The following SLC24A4 variants were observed in gnomAD, a reference collection of about 807,000 sequenced individuals.
SLC24A4 encodes the protein solute carrier family 24 member 4.
In SLC24A4, 53 loss-of-function variants were observed where a neutral mutation model predicts 79.0. That is an observed-to-expected ratio of 0.67 (90% confidence interval 0.54 to 0.84). The LOEUF (loss-of-function observed/expected upper bound fraction) is 0.84, where lower values mean the gene tolerates loss of function less well. SLC24A4 is among the 40% of genes least tolerant of loss of function. SLC24A4 has a pLI of 0.00. For missense variants in SLC24A4, 731 were observed against 822.0 expected (o/e 0.89, Z 1.35); for synonymous variants, 323 against 323.8 (o/e 1.00, Z 0.03).
chr14:92,350,186 T>A (rs1239133534), intron 2 of SLC24A4, among the ~76,000 whole-genome samples: 1 of 152,238 alleles, frequency 6.6e-6, no homozygotes, highest in East Asian at 1.9e-4. Flanking sequence ...TTGGGTCATG[T>A]GCGGTTAAGT....
At chr14:92,458,452 C>G (rs1893613077) in intron 12 of SLC24A4, among the ~76,000 whole-genome samples, 1 of 152,226 alleles carries the variant, frequency 6.6e-6, no homozygotes, top group Admixed American at 6.5e-5. Context: ...CTCAGCCAGT[C>G]TGGCTGGTGG....
At chr14:92,328,997 A>T (rs1169161581) in intron 2 of SLC24A4, among the ~76,000 whole-genome samples, 1 of 152,222 alleles carries the variant, frequency 6.6e-6, no homozygotes, top group African/African-American at 2.4e-5. Context: ...GTTTCAAGTG[A>T]GAGTTTCAGG....
chr14:92,323,781 C>G lies in SLC24A4; in HGVS notation c.-50C>G. ...CGCTCGGCCACTGATTGCACTCTGG[C>G]CGCTGAAGCTCCCCATCCTCTCCCA... On this transcript the variant is annotated 5_prime_UTR_variant, in exon 1 of 17. Transcript: ENST00000532405. The surrounding 1 kb of genome is among the most constrained non-coding windows in gnomAD (Gnocchi z 4.9). 1 of 1,523,684 alleles carries G rather than the reference C, an allele frequency of 6.6e-7. No homozygotes were observed. Among genetic ancestry groups the G allele is most frequent in the Non-Finnish European group, 8.8e-7 (1 of 1,140,746 alleles). The allele number at this position is 1,523,684 out of a possible 1,614,324, so 94.4% of individuals were successfully genotyped here.
chr14:92,483,737 G>A (rs372291679), intron 13 of SLC24A4: 2 of 1,289,878 alleles, frequency 1.6e-6, no homozygotes, highest in African/African-American at 3.0e-5. Context: ...GGAGCAAAGA[G>A]AGGGGAAGCA....
chr14:92,441,466 C>T lies in SLC24A4; in HGVS notation c.394-623C>T, dbSNP rs1325448413. 6.6e-6 allele frequency among the ~76,000 whole-genome samples: 1 copy of T among 152,184 alleles called. No individual in the cohort carries two copies. Among genetic ancestry groups the T allele is most frequent in the Non-Finnish European group, 1.5e-5 (1 of 68,024 alleles). On this transcript the variant is annotated intron_variant, in intron 4 of 16. Transcript: ENST00000532405. This position sits in a 1 kb window ranked among gnomAD's most constrained non-coding sequence, Gnocchi z 4.6. ...GTGAGCCACTGGATGTCAGGCCTGC[C>T]GTGGAGAAGGCCTTCCAGAATGCAA...
chr14:92,492,968 A>ACACG (rs1000940513), intron 16 of SLC24A4: 24 of 89,720 alleles, frequency 2.7e-4, no homozygotes, highest in Non-Finnish European at 4.4e-4. Context: ...AAACACACAC[A>ACACG]CACACACACA....
At chr14:92,405,728 C>G (rs960181647) in intron 2 of SLC24A4, among the ~76,000 whole-genome samples, 21 of 152,224 alleles carry the variant, frequency 1.4e-4, no homozygotes, top group African/African-American at 5.1e-4. Context: ...TGAGAACCAT[C>G]ATGAGAACAG....
At chr14:92,397,255 C>T (rs377502094) in intron 2 of SLC24A4, among the ~76,000 whole-genome samples, 19 of 152,148 alleles carry the variant, frequency 1.2e-4, no homozygotes, top group South Asian at 6.2e-4. Flanking sequence ...CAGGATCCCA[C>T]GGAAAATTAG....
At chr14:92,473,733 A>T (rs1402798093) in intron 12 of SLC24A4, among the ~76,000 whole-genome samples, 17 of 152,166 alleles carry the variant, frequency 1.1e-4, no homozygotes. Flanking sequence ...CCTGACCTTC[A>T]GACCTGCTGC....
At chr14:92,422,092 T>C (rs1891316712) in intron 2 of SLC24A4, among the ~76,000 whole-genome samples, 1 of 152,236 alleles carries the variant, frequency 6.6e-6, no homozygotes, top group Non-Finnish European at 1.5e-5. Flanking sequence ...ACTATCCTTC[T>C]GGGTAGTACT....
At chr14:92,476,277 A>G (rs1465619881) in intron 12 of SLC24A4, among the ~76,000 whole-genome samples, 3 of 152,240 alleles carry the variant, frequency 2.0e-5, no homozygotes, top group East Asian at 1.9e-4. Flanking sequence ...TGGACTCACC[A>G]GAGAAGAACG....
At chr14:92,346,534 A>G (rs553803531) in intron 2 of SLC24A4, among the ~76,000 whole-genome samples, 1 of 152,332 alleles carries the variant, frequency 6.6e-6, no homozygotes, top group South Asian at 2.1e-4. Flanking sequence ...TAAGCGAGGG[A>G]TAGATCATTG....
intron 2 of SLC24A4, among the ~76,000 whole-genome samples, chr14:92,349,155 G>A (rs568753981): frequency 4.5e-4 from 67 of 150,248 alleles, no homozygotes; most frequent in Non-Finnish European, 9.1e-4. Flanking sequence ...TAATAAAAGT[G>A]ACTGGAAGAT....
intron 3 of SLC24A4, among the ~76,000 whole-genome samples, chr14:92,437,884 A>G (rs1321794100): frequency 6.6e-6 from 1 of 152,214 alleles, no homozygotes; most frequent in African/African-American, 2.4e-5. Flanking sequence ...CGCTGGTGCT[A>G]GGACAGAGAG....
intron 2 of SLC24A4, among the ~76,000 whole-genome samples, chr14:92,333,723 C>A (rs1039134436): frequency 6.6e-6 from 1 of 152,000 alleles, no homozygotes. Context: ...TGGATGCAAG[C>A]GCTAGATGGA....
Position 92,486,659 on chromosome 14 carries a change from T to G in SLC24A4, c.1423-7T>G. On this transcript the variant is annotated splice_region_variant and splice_polypyrimidine_tract_variant and intron_variant, in intron 13 of 16. Transcript: ENST00000532405. ...GAGAGTTCATGTCTCCACCCCACAT[T>G]CTGCAGGTGACTATTATCGGATACA... is the stretch of plus-strand genomic sequence containing the variant. 6.3e-7 allele frequency: 1 copy of G among 1,595,642 alleles called. No homozygotes were observed. The highest frequency in any genetic ancestry group is 8.6e-7 in the Non-Finnish European group (1 of 1,163,270).
intron 13 of SLC24A4, chr14:92,483,632 C>G (rs931839386): frequency 1.2e-6 from 1 of 804,688 alleles, no homozygotes. Flanking sequence ...AACCTTTCAT[C>G]GGCTGGGCTG....
chr14:92,364,995 T>C (rs1294699893), intron 2 of SLC24A4, among the ~76,000 whole-genome samples: 1 of 152,104 alleles, frequency 6.6e-6, no homozygotes, highest in Non-Finnish European at 1.5e-5. Context: ...CCAGGACTTC[T>C]CCCTCCCTAT....
chr14:92,357,171 G>T (rs746578683), intron 2 of SLC24A4, among the ~76,000 whole-genome samples: 3 of 152,178 alleles, frequency 2.0e-5, no homozygotes, highest in Admixed American at 6.5e-5. Flanking sequence ...TTCTTCCTTG[G>T]AGGATTAGGA....
Sources: allele counts gnomAD v4.1 joint callset (sites outside exome capture counted in the v4.1 genomes callset), GRCh38; gene constraint gnomAD v4.1.1; non-coding constraint Gnocchi (gnomAD v3.1); transcripts MANE v1.5; gene names NCBI Gene and HGNC (gene_info 2026-07-23, HGNC 2026-07-21).